EBI3: variants seen among roughly 807,000 people sequenced by gnomAD.
EBI3 encodes the protein Epstein-Barr virus induced 3, also known as interleukin-27 subunit beta.
In EBI3, 19 loss-of-function variants were observed where a neutral mutation model predicts 21.3. The ratio of observed to expected loss-of-function variants is 0.89; its 90% CI spans 0.62 to 1.31. EBI3 has a LOEUF of 1.31. EBI3 is among the 50% of genes most tolerant of loss of function. The pLI is 0.00. For synonymous variants in EBI3, 154 were observed against 131.2 expected (o/e 1.17, Z -1.19); for missense variants, 331 against 314.0 (o/e 1.05, Z -0.41).
At position 4,233,119 on chromosome 19, in the gene EBI3, C is replaced by T. The variant is rs775806984; in HGVS notation, c.201-10C>T. ...TCCCTGAGGCGCTCAGCGAGCCCCA[C>T]CCTGTGCAGGCTCGGCATGGCTGCC... On this transcript the variant is annotated splice_polypyrimidine_tract_variant and intron_variant, in intron 2 of 4. Transcript: ENST00000221847. The T allele has an allele frequency of 5.1e-6, 8 of 1,582,272 alleles. No homozygotes were observed. In the South Asian group the frequency reaches 9.1e-5, roughly 18 times the overall value.
At chr19:4,231,384 G>A in intron 2 of EBI3, 61 bp downstream of exon 2, 1 of 1,516,886 alleles carries the variant, frequency 6.6e-7, no homozygotes, top group Admixed American at 2.3e-5. Flanking sequence ...CCAGAACTCT[G>A]GCCCTGAGAG....
At chr19:4,230,474 AG>A (rs1209050965) in intron 1 of EBI3, among the ~76,000 whole-genome samples, 1 of 152,110 alleles carries the variant, frequency 6.6e-6, no homozygotes, top group African/African-American at 2.4e-5. Context: ...TGGGAGGCTG[AG>A]GTGGGAGGAT....
At position 4,237,059 on chromosome 19, in the gene EBI3, G is replaced by C; in HGVS notation, c.661G>C (p.Ala221Pro). ...GGAACTGAGTGACTGGAGTCTCCCC[G>C]CCACTGCCACAATGAGCCTGGGCAA... ...YGELSDWSLP[A>P]TATMSLGK Residue 221 changes from alanine to proline, a missense_variant, in exon 5 of 5, where the codon GCC becomes CCC. Physicochemically the swap from Ala to Pro is conservative, Grantham distance 27. Coordinates refer to ENST00000221847, the MANE Select transcript of EBI3 (RefSeq NM_005755.3). 1.3e-6 allele frequency: 2 copies of C among 1,559,578 alleles called. No homozygotes were observed. Among genetic ancestry groups the C allele is most frequent in the Non-Finnish European group, 1.7e-6 (2 of 1,149,802 alleles).
In EBI3 at chr19:4,231,074, A is replaced by T. The variant is rs112180438; in HGVS notation, c.68-117A>T. On this transcript the variant is annotated intron_variant, in intron 1 of 4. Coordinates refer to ENST00000221847, the MANE Select transcript of EBI3 (RefSeq NM_005755.3). ...GTACCTATTTATTCCGAAAGCCTTT[A>T]TTAGGCACCTACCATGTACCTGGTG... The T allele has an allele frequency of 0.01, 13,688 of 1,358,778 alleles. 158 individuals carry two copies. Among genetic ancestry groups the T allele is most frequent in the Middle Eastern group, 0.065 (245 of 3,762 alleles). The allele number at this position is 1,358,778 out of a possible 1,614,324, so 84.2% of individuals were successfully genotyped here.
At position 4,234,808 on chromosome 19, in the gene EBI3, C is replaced by T. The variant is rs1803524; in HGVS notation, c.521C>T (p.Ala174Val). The part of the protein sequence containing the change: ...KYWIRYKRQG[A>V]ARFHRVGPIE... ...TGGATCCGTTACAAGCGTCAGGGAG[C>T]TGCGCGCTTCCACCGGGTGAGGAGG... The change falls in exon 4 of 5, where the codon GCT becomes GTT. Residue 174 changes from alanine to valine, a missense_variant. By Grantham distance (64) the Ala-to-Val change is moderately conservative. Transcript: ENST00000221847. 8 of 1,613,800 alleles carry T rather than the reference C, an allele frequency of 5.0e-6. No homozygotes were observed. In the African/African-American group the frequency reaches 6.7e-5, roughly 13 times the overall value.
rs1411904452 is a variant in EBI3 at position 4,236,350 on chromosome 19, T to A, written c.538-586T>A. 2.0e-4 allele frequency among the ~76,000 whole-genome samples: 30 copies of A among 148,104 alleles called. 2 individuals are homozygous for A. In the East Asian group the frequency reaches 5.0e-3, roughly 25 times the overall value. ...GCCTGGGTGACAGAGTGAGACTCCG[T>A]CTCAAAAACAAACAAACAAAAATTA... is the stretch of plus-strand genomic sequence containing the variant. On this transcript the variant is annotated intron_variant, in intron 4 of 4. Coordinates refer to ENST00000221847, the MANE Select transcript of EBI3 (RefSeq NM_005755.3).
intron 3 of EBI3, among the ~76,000 whole-genome samples, chr19:4,234,185 G>A (rs901228313): frequency 2.6e-4 from 39 of 152,174 alleles, no homozygotes; most frequent in African/African-American, 8.9e-4. Flanking sequence ...CAGCCTGGGC[G>A]AGAGAGCGAG....
chr19:4,232,795 TGAATTAATGAATGAATGAAC>T lies in EBI3; in HGVS notation c.201-332_201-313del, dbSNP rs1193887656. ...ATGAATTAATGAATGAATGAAGGAATGAATTAATGAATGAATGAACGGATGAATGAATGAATGAATGGATG... is the reference window on the plus strand; with the variant it reads ...ATGAATTAATGAATGAATGAAGGAATGGATGAATGAATGAATGAATGGATG... On this transcript the variant is annotated intron_variant, in intron 2 of 4. Transcript: ENST00000221847. 6.1e-5 allele frequency among the ~76,000 whole-genome samples: 9 copies of T among 148,606 alleles called. No homozygotes were observed. In the East Asian group the frequency reaches 1.3e-3, roughly 21 times the overall value.
rs1466404008 is a variant in EBI3, at chr19:4,231,200, C to T, written c.77C>T (p.Ala26Val). 1.9e-6 allele frequency: 3 copies of T among 1,591,198 alleles called. No individual in the cohort carries two copies. In the Admixed American group the frequency reaches 5.5e-5, roughly 29 times the overall value. Residue 26 changes from alanine to valine, a missense_variant, in exon 2 of 5, where the codon GCA becomes GTA. Transcript: ENST00000221847. ...PPCSGRKGPP[A>V]ALTLPRVQCR... Reference sequence around the variant, plus strand: ...TTCTGTCTTCCTCCAGGGCCCCCAGCAGCTCTGACACTGCCCCGGGTGCAA... The same window carrying T: ...TTCTGTCTTCCTCCAGGGCCCCCAGTAGCTCTGACACTGCCCCGGGTGCAA...
chr19:4,236,978 C>T lies in EBI3; in HGVS notation c.580C>T (p.Arg194Trp), dbSNP rs182560914. 6.4e-6 allele frequency: 10 copies of T among 1,557,940 alleles called. No individual in the cohort carries two copies. The highest frequency in any genetic ancestry group is 4.8e-5 in the East Asian group (2 of 41,710). Residue 194 changes from arginine to tryptophan, a missense_variant, in exon 5 of 5, where the codon CGG becomes TGG. Physicochemically the swap from Arg to Trp is moderately radical, Grantham distance 101 (BLOSUM62 -3). Transcript: ENST00000221847. Reference protein sequence around the residue: ...EATSFILRAVRPRARYYVQVA... With the variant: ...EATSFILRAVWPRARYYVQVA... ...CACGTCCTTCATCCTCAGGGCTGTG[C>T]GGCCCCGAGCCAGGTACTACGTCCA...
At position 4,229,605 on chromosome 19, in the gene EBI3, A is replaced by G. The variant is rs775451745; in HGVS notation, c.55A>G (p.Ser19Gly). 6.2e-6 allele frequency: 10 copies of G among 1,608,768 alleles called. No homozygotes were observed. In the South Asian group the frequency reaches 1.1e-4, roughly 18 times the overall value. ...LVLWASCPPC[S>G]GRKGPPAALT... ...CCTCTGGGCCAGCTGCCCGCCCTGC[A>G]GTGGAAGGAAAGGTATGTGGGGCCC... Residue 19 changes from serine to glycine, a missense_variant, in exon 1 of 5, where the codon AGT (serine) becomes GGT (glycine). By Grantham distance (56) the Ser-to-Gly change is moderately conservative. Transcript: ENST00000221847.
intron 4 of EBI3, among the ~76,000 whole-genome samples, chr19:4,236,152 G>A (rs781595537): frequency 6.6e-6 from 1 of 152,020 alleles, no homozygotes; most frequent in Admixed American, 6.6e-5. Flanking sequence ...TCAGGAATTC[G>A]AGAACAGCCT....
At chr19:4,230,575 AAAT>A (rs552869383) in intron 1 of EBI3, among the ~76,000 whole-genome samples, 13 of 150,538 alleles carry the variant, frequency 8.6e-5, no homozygotes, top group South Asian at 4.2e-4. Flanking sequence ...CCTTGTCTCA[AAAT>A]AATAATAATA....
intron 3 of EBI3, among the ~76,000 whole-genome samples, chr19:4,233,983 T>C (rs1308812788): frequency 1.3e-5 from 2 of 152,098 alleles, no homozygotes; most frequent in African/African-American, 4.8e-5. Context: ...GGCAGGCCGA[T>C]CACCTGAGGT....
At chr19:4,234,456 G>A (rs370847132) in intron 3 of EBI3, among the ~76,000 whole-genome samples, 10 of 152,136 alleles carry the variant, frequency 6.6e-5, no homozygotes, top group Admixed American at 1.3e-4. Flanking sequence ...ACAACTACTC[G>A]GGAGGCTGAG....
intron 2 of EBI3, chr19:4,232,918 G>A: frequency 2.0e-6 from 1 of 499,582 alleles, no homozygotes; most frequent in Non-Finnish European, 3.4e-6. Flanking sequence ...TGTAATCCCC[G>A]ACCTGAACCA....
At chr19:4,234,888 G>A in intron 4 of EBI3, 64 bp downstream of exon 4, 1 of 1,589,386 alleles carries the variant, frequency 6.3e-7, no homozygotes, top group Admixed American at 1.7e-5. Flanking sequence ...TTTTTACCAA[G>A]ACTAGCAGGT....
chr19:4,232,774 ATTAATGAATGAATGAAGGAATGAAT>A (rs1970798884), intron 2 of EBI3, among the ~76,000 whole-genome samples: 1 of 128,152 alleles, frequency 7.8e-6, no homozygotes, highest in African/African-American at 3.7e-5. Context: ...GAAGGAATGA[ATTAATGAATGAATGAAGGAATGAAT>A]TAATGAATGA....
chr19:4,232,977 C>A, intron 2 of EBI3, 152 bp from the exon 3 acceptor site: 1 of 859,762 alleles, frequency 1.2e-6, no homozygotes, highest in Non-Finnish European at 1.7e-6. Flanking sequence ...CGGGGGGTGG[C>A]ACGGCCACCA....
Sources: allele counts gnomAD v4.1 joint callset (sites outside exome capture counted in the v4.1 genomes callset), GRCh38; gene constraint gnomAD v4.1.1; transcripts MANE v1.5; gene names NCBI Gene and HGNC (gene_info 2026-07-23, HGNC 2026-07-21).